SCHIP1: variants seen among roughly 807,000 people sequenced by gnomAD.
SCHIP1 encodes the protein schwannomin interacting protein 1.
In SCHIP1, 8 loss-of-function variants were observed where a neutral mutation model predicts 29.7. That is an observed-to-expected ratio of 0.27 (90% CI 0.16 to 0.49). SCHIP1 has a LOEUF of 0.49. Ranked by LOEUF, SCHIP1 falls within the 20% of genes least tolerant of loss-of-function variation. The probability of loss-of-function intolerance (pLI) is 0.99; values close to 1 mark genes in which losing one functional copy is unlikely to be tolerated. For synonymous variants in SCHIP1, 76 were observed against 94.9 expected (o/e 0.80, Z 1.16); for missense variants, 193 against 294.6 (o/e 0.66, Z 2.52).
At chr3:159,390,836 C>CAT in the SCHIP1 span, among the ~76,000 whole-genome samples, 1 of 151,934 alleles carries the variant, frequency 6.6e-6, no homozygotes, top group Non-Finnish European at 1.5e-5. Flanking sequence ...CTTCTTGCCA[C>CAT]ATAAGCAATG....
At chr3:159,680,526 T>C in the SCHIP1 span, among the ~76,000 whole-genome samples, 1 of 114,824 alleles carries the variant, frequency 8.7e-6, no homozygotes, top group Non-Finnish European at 1.7e-5. Flanking sequence ...AATATATATA[T>C]ATGTATATAA....
At chr3:159,643,182 T>C in the SCHIP1 span, among the ~76,000 whole-genome samples, 2 of 152,196 alleles carry the variant, frequency 1.3e-5, no homozygotes, top group East Asian at 3.9e-4. Context: ...CTGCTACAGG[T>C]GTTCACAAGA....
At chr3:159,860,676 A>G (rs1005744434) in intron 1 of SCHIP1, among the ~76,000 whole-genome samples, 7 of 152,238 alleles carry the variant, frequency 4.6e-5, no homozygotes, top group African/African-American at 1.7e-4. Context: ...AGCTCAATCC[A>G]GGGAAGAACA....
the SCHIP1 span, among the ~76,000 whole-genome samples, chr3:159,592,146 A>G: frequency 1.3e-5 from 2 of 151,984 alleles, no homozygotes; most frequent in South Asian, 4.2e-4. Flanking sequence ...CTTAAAACAG[A>G]ATTGTTGCCT....
rs562707526 is a variant in SCHIP1 at position 159,890,020 on chromosome 3, G to A, written c.589+1077G>A. Among the ~76,000 whole-genome samples, 689 of 151,908 alleles carry A rather than the reference G, an allele frequency of 4.5e-3. 3 individuals are homozygous for A. The highest frequency in any genetic ancestry group is 6.8e-3 in the Middle Eastern group (2 of 294). On this transcript the variant is annotated intron_variant, in intron 5 of 6. Coordinates refer to ENST00000445224, the Ensembl canonical transcript of SCHIP1. ...TGAGGCAGGAGAATGGCGTGAACCC[G>A]GGAGGCGGAGCTTGCAGTGAGCCGA...
chr3:159,296,082 G>A, the SCHIP1 span, among the ~76,000 whole-genome samples: 1 of 151,294 alleles, frequency 6.6e-6, no homozygotes, highest in Non-Finnish European at 1.5e-5. Context: ...TCATTCCCGA[G>A]AGAGGAGGAA....
chr3:159,805,994 C>T, the SCHIP1 span, among the ~76,000 whole-genome samples: 4 of 151,914 alleles, frequency 2.6e-5, no homozygotes, highest in Middle Eastern at 3.2e-3. Flanking sequence ...ATTTTTAGTA[C>T]AGATGGAGTT....
At chr3:159,591,088 AC>A in the SCHIP1 span, among the ~76,000 whole-genome samples, 1 of 152,174 alleles carries the variant, frequency 6.6e-6, no homozygotes, top group Admixed American at 6.5e-5. Flanking sequence ...AGAGGATATA[AC>A]TTTTTGCACC....
the SCHIP1 span, among the ~76,000 whole-genome samples, chr3:159,468,718 T>TTATA: frequency 3.9e-4 from 57 of 144,774 alleles, 1 homozygote; most frequent in African/African-American, 1.4e-3. Flanking sequence ...CACGAGTGTT[T>TTATA]TATATATATA....
At chr3:159,577,530 C>A in the SCHIP1 span, among the ~76,000 whole-genome samples, 1 of 152,204 alleles carries the variant, frequency 6.6e-6, no homozygotes, top group East Asian at 1.9e-4. Flanking sequence ...TCATTGACAA[C>A]TCCTTTTTAT....
At chr3:159,642,976 G>A in the SCHIP1 span, among the ~76,000 whole-genome samples, 1 of 152,028 alleles carries the variant, frequency 6.6e-6, no homozygotes, top group Non-Finnish European at 1.5e-5. Flanking sequence ...AGTGGGAGGA[G>A]GGAGGTAAAG....
the SCHIP1 span, among the ~76,000 whole-genome samples, chr3:159,457,784 T>C: frequency 6.6e-6 from 1 of 152,122 alleles, no homozygotes; most frequent in South Asian, 2.1e-4. Flanking sequence ...TAAAGTTGAA[T>C]TTAGAAATTA....
the SCHIP1 span, among the ~76,000 whole-genome samples, chr3:159,698,100 T>G: frequency 6.6e-6 from 1 of 152,250 alleles, no homozygotes; most frequent in African/African-American, 2.4e-5. Context: ...ACAGAACTTA[T>G]ATGTGGGGAG....
the SCHIP1 span, among the ~76,000 whole-genome samples, chr3:159,637,420 C>CTG: frequency 6.7e-6 from 1 of 148,384 alleles, no homozygotes; most frequent in African/African-American, 2.6e-5. Context: ...CACACACACA[C>CTG]ACCTGACTCT....
At chr3:159,574,329 A>G in the SCHIP1 span, among the ~76,000 whole-genome samples, 1 of 152,138 alleles carries the variant, frequency 6.6e-6, no homozygotes, top group African/African-American at 2.4e-5. Flanking sequence ...TGTTGATGCT[A>G]TTCCTTTCTG....
chr3:159,433,381 G>T, the SCHIP1 span, among the ~76,000 whole-genome samples: 9 of 152,170 alleles, frequency 5.9e-5, no homozygotes, highest in Non-Finnish European at 1.0e-4. Context: ...TGTATGCTCT[G>T]CAAGAAAGGG....
chr3:159,505,420 G>C, the SCHIP1 span, among the ~76,000 whole-genome samples: 3 of 152,152 alleles, frequency 2.0e-5, no homozygotes, highest in Non-Finnish European at 4.4e-5. Context: ...AAGGTTGGGG[G>C]ACATGTGATA....
the SCHIP1 span, among the ~76,000 whole-genome samples, chr3:159,532,568 A>T: frequency 3.9e-5 from 6 of 152,254 alleles, no homozygotes; most frequent in African/African-American, 1.4e-4. Context: ...GAAAAAATAC[A>T]GAAACAAAGT....
At chr3:159,838,900 C>CA (rs546361167), upstream of SCHIP1, among the ~76,000 whole-genome samples, 7,692 of 57,742 alleles carry the variant, frequency 0.13, 315 homozygotes, top group South Asian at 0.3. Flanking sequence ...GACTCCATCT[C>CA]AAAAAAAAAA....
Sources: allele counts gnomAD v4.1 joint callset (sites outside exome capture counted in the v4.1 genomes callset), GRCh38; gene constraint gnomAD v4.1.1; transcripts MANE v1.5; gene names NCBI Gene and HGNC (gene_info 2026-07-23, HGNC 2026-07-21).